The following FHIT variants were observed in gnomAD, a reference collection of about 807,000 sequenced individuals.
FHIT encodes bis(5'-adenosyl)-triphosphatase.
In FHIT, 19 loss-of-function variants were observed where a neutral mutation model predicts 17.9. The ratio of observed to expected loss-of-function variants is 1.06; its 90% CI spans 0.74 to 1.56. The LOEUF is 1.56. Ranked by LOEUF, FHIT falls within the 40% of genes most tolerant of loss-of-function variation. The pLI is 0.00. For missense variants in FHIT, 248 were observed against 189.2 expected, an observed-to-expected ratio of 1.31 and a Z score of -1.82; for synonymous variants, 81 against 69.7, an observed-to-expected ratio of 1.16 and a Z score of -0.81.
intron 2 of FHIT, among the ~76,000 whole-genome samples, chr3:61,114,962 C>G (rs1158981568): frequency 6.6e-6 from 1 of 152,174 alleles, no homozygotes; most frequent in Non-Finnish European, 1.5e-5. Context: ...TTGAGCTTGA[C>G]ATCAGGGCCA....
chr3:60,473,959 G>A (rs1233860495), intron 5 of FHIT, among the ~76,000 whole-genome samples: 4 of 151,794 alleles, frequency 2.6e-5, no homozygotes, highest in African/African-American at 9.7e-5. Context: ...TAACCTCACA[G>A]AGAATTGTAC....
intron 5 of FHIT, among the ~76,000 whole-genome samples, chr3:60,356,536 C>T (rs1205602373): frequency 6.6e-6 from 1 of 151,982 alleles, no homozygotes; most frequent in African/African-American, 2.4e-5. Flanking sequence ...CCATTCTAAG[C>T]TGTGAGTGAA....
At chr3:61,135,383 A>T (rs148353731) in intron 2 of FHIT, among the ~76,000 whole-genome samples, 1 of 152,342 alleles carries the variant, frequency 6.6e-6, no homozygotes, top group East Asian at 1.9e-4. Flanking sequence ...TTGAGCACTT[A>T]CTATGTGCCA....
At chr3:60,298,290 G>A (rs1259371399) in intron 5 of FHIT, among the ~76,000 whole-genome samples, 1 of 152,048 alleles carries the variant, frequency 6.6e-6, no homozygotes, top group Non-Finnish European at 1.5e-5. Context: ...AAGGCTCAAA[G>A]TTCTGATGCT....
At chr3:60,789,084 G>T (rs1049491841) in intron 4 of FHIT, among the ~76,000 whole-genome samples, 17 of 150,958 alleles carry the variant, frequency 1.1e-4, no homozygotes, top group African/African-American at 3.7e-4. Flanking sequence ...CATATATAGA[G>T]AGAGAGATGA....
chr3:59,809,235 A>C (rs541454047), intron 8 of FHIT, among the ~76,000 whole-genome samples: 2 of 152,336 alleles, frequency 1.3e-5, no homozygotes, highest in African/African-American at 4.8e-5. Context: ...ACTGGATTAG[A>C]ATGGGCCCTA....
chr3:60,149,521 A>C (rs570950541), intron 5 of FHIT, among the ~76,000 whole-genome samples: 1 of 152,218 alleles, frequency 6.6e-6, no homozygotes, highest in South Asian at 2.1e-4. Context: ...CATTAAACCT[A>C]AGGTTCCGGA....
intron 2 of FHIT, among the ~76,000 whole-genome samples, chr3:61,194,796 A>C (rs1459256805): frequency 6.6e-6 from 1 of 152,174 alleles, no homozygotes; most frequent in Non-Finnish European, 1.5e-5. Flanking sequence ...AATAATACTT[A>C]CCTACTTCAG....
At chr3:60,969,202 A>C (rs1206038799) in intron 3 of FHIT, among the ~76,000 whole-genome samples, 1 of 152,132 alleles carries the variant, frequency 6.6e-6, no homozygotes, top group African/African-American at 2.4e-5. Flanking sequence ...TAATTTCTGT[A>C]ATAGATATAG....
chr3:59,747,308 C>T lies in FHIT; in HGVS notation c.*2277G>A, dbSNP rs74758984. ...ATAAAGGAATGAGGTTTAATGGACTCGCAATCATGGAGGAAGGCAAAAGAG... is the reference window on the plus strand; with the variant it reads ...ATAAAGGAATGAGGTTTAATGGACTTGCAATCATGGAGGAAGGCAAAAGAG... On this transcript the variant is annotated 3_prime_UTR_variant, in exon 10 of 10. Coordinates refer to ENST00000492590, the MANE Select transcript of FHIT (RefSeq NM_002012.4). Among the ~76,000 whole-genome samples, 4 of 152,050 alleles carry T rather than the reference C, an allele frequency of 2.6e-5. No homozygotes were observed. Among genetic ancestry groups the T allele is most frequent in the Non-Finnish European group, 5.9e-5 (4 of 67,998 alleles).
intron 5 of FHIT, among the ~76,000 whole-genome samples, chr3:60,252,146 A>G (rs1224194153): frequency 2.0e-5 from 3 of 152,224 alleles, no homozygotes; most frequent in Non-Finnish European, 4.4e-5. Context: ...TTTTTGCAAC[A>G]GCTCTGTTGT....
At chr3:59,920,712 T>A (rs1559731732) in intron 8 of FHIT, among the ~76,000 whole-genome samples, 2 of 152,250 alleles carry the variant, frequency 1.3e-5, no homozygotes, top group African/African-American at 4.8e-5. Flanking sequence ...TTTGGCAACA[T>A]TAACCTTAGT....
intron 4 of FHIT, among the ~76,000 whole-genome samples, chr3:60,662,685 G>T (rs1469899352): frequency 6.6e-6 from 1 of 151,928 alleles, no homozygotes; most frequent in African/African-American, 2.4e-5. Flanking sequence ...CCTGAACATG[G>T]GATATGTTTC....
chr3:59,763,184 A>G (rs1701615325), intron 8 of FHIT, among the ~76,000 whole-genome samples: 1 of 152,206 alleles, frequency 6.6e-6, no homozygotes, highest in East Asian at 1.9e-4. Context: ...TCTCCTGAAC[A>G]TTTCATTTCC....
At chr3:60,129,864 T>C (rs1368740902) in intron 5 of FHIT, among the ~76,000 whole-genome samples, 3 of 152,340 alleles carry the variant, frequency 2.0e-5, no homozygotes, top group Non-Finnish European at 4.4e-5. Flanking sequence ...CTGATTTATC[T>C]TCTTAATGAT....
intron 5 of FHIT, among the ~76,000 whole-genome samples, chr3:60,177,318 C>T (rs1379409912): frequency 6.7e-6 from 1 of 149,276 alleles, no homozygotes; most frequent in African/African-American, 2.5e-5. Flanking sequence ...ATTTGATAGT[C>T]AGTTACTTAA....
chr3:60,585,385 C>G (rs1553661321), intron 4 of FHIT, among the ~76,000 whole-genome samples: 7 of 151,984 alleles, frequency 4.6e-5, no homozygotes. Context: ...TACTGAAACT[C>G]TTTACATTGT....
chr3:61,214,823 T>A (rs2039618530), intron 1 of FHIT, among the ~76,000 whole-genome samples: 1 of 152,220 alleles, frequency 6.6e-6, no homozygotes, highest in African/African-American at 2.4e-5. Context: ...TCAAGTGGGC[T>A]TCATCCCTGG....
Position 59,749,349 on chromosome 3 carries a change from TA to T in FHIT, c.*235del, listed in dbSNP as rs1575594831. On this transcript the variant is annotated 3_prime_UTR_variant, in exon 10 of 10. Transcript: ENST00000492590. The stretch of plus-strand genomic sequence containing the variant: ...GAAGTTTAATCATAAGGCTGCCGAA[TA>T]AGGAGACAGGGGGAAACCTCAAATC... The T allele has an allele frequency of 2.2e-5, 5 of 231,056 alleles. No homozygotes were observed. In the East Asian group the frequency reaches 3.1e-4, roughly 14 times the overall value. The allele number at this position is 231,056 out of a possible 1,614,324, so 14.3% of individuals were successfully genotyped here.
Sources: gnomAD v4.1 joint callset for allele counts (sites outside exome capture counted in the v4.1 genomes callset) on GRCh38, gnomAD v4.1.1 for gene constraint, MANE v1.5 for transcripts, NCBI Gene and HGNC (gene_info 2026-07-23, HGNC 2026-07-21) for gene names.